Variants in RBFOX1 observed in about 807,000 individuals in gnomAD.
RBFOX1 encodes the protein RNA binding protein fox-1 homolog 1.
A neutral mutation model predicts 57.7 loss-of-function variants in RBFOX1; 8 were observed. The observed-to-expected ratio is 0.14, with a 90% CI of 0.08 to 0.25. The LOEUF is 0.25. Ranked by LOEUF, RBFOX1 falls within the 10% of genes least tolerant of loss-of-function variation. The pLI is 1.00. For missense variants in RBFOX1, 611 were observed against 548.5 expected (o/e 1.11, Z -1.14); for synonymous variants, 326 against 222.4 (o/e 1.47, Z -4.15).
intron 2 of RBFOX1, among the ~76,000 whole-genome samples, chr16:6,405,677 A>C (rs536051704): frequency 3.9e-5 from 6 of 152,334 alleles, no homozygotes; most frequent in African/African-American, 1.4e-4. Flanking sequence ...AATATCTAAC[A>C]CAAGGGTCCA....
intron 1 of RBFOX1, among the ~76,000 whole-genome samples, chr16:6,196,503 C>A (rs1378443245): frequency 6.6e-6 from 1 of 152,148 alleles, no homozygotes; most frequent in African/African-American, 2.4e-5. Flanking sequence ...AAATAATTAG[C>A]TTCCCATTCT....
At chr16:7,299,113 A>G (rs1363276175) in intron 4 of RBFOX1, among the ~76,000 whole-genome samples, 1 of 152,214 alleles carries the variant, frequency 6.6e-6, no homozygotes, top group Non-Finnish European at 1.5e-5. Context: ...GTGAGCACCA[A>G]AATATTAATA....
In RBFOX1 at chr16:6,700,395, C is replaced by G. The variant is rs762613277; in HGVS notation, c.-16+45745C>G. 6.6e-5 allele frequency among the ~76,000 whole-genome samples: 10 copies of G among 151,886 alleles called. No individual in the cohort carries two copies. The South Asian group carries it at 1.5e-3, about 22-fold the overall frequency. ...AATTTTGACCAGGTGTCATGTCTCA[C>G]ATCTGTAATCTCAGCACTTTGGGAG... On this transcript the variant is annotated intron_variant, in intron 3 of 15. Transcript: ENST00000550418.
chr16:5,620,933 CG>C (rs1567308819), intron 3 of RBFOX1, among the ~76,000 whole-genome samples: 1 of 151,438 alleles, frequency 6.6e-6, no homozygotes, highest in African/African-American at 2.4e-5. Context: ...TTCCGCCTCC[CG>C]GGTTCCTGCC....
chr16:5,738,922 CA>C (rs2052677871), intron 3 of RBFOX1, among the ~76,000 whole-genome samples: 1 of 152,142 alleles, frequency 6.6e-6, no homozygotes, highest in Admixed American at 6.5e-5. Flanking sequence ...GAACTCAAAG[CA>C]AAATTGGGTC....
Position 6,695,453 on chromosome 16 carries a change from G to A in RBFOX1, c.-16+40803G>A, listed in dbSNP as rs949236409. 6.5e-3 allele frequency among the ~76,000 whole-genome samples: 800 copies of A among 122,490 alleles called. 1 individual carries two copies. Among genetic ancestry groups the A allele is most frequent in the Non-Finnish European group, 0.01 (555 of 54,790 alleles). The allele number at this position is 122,490 out of a possible 152,430, so 80.4% of individuals were successfully genotyped here. ...AAAAAAAAAAGGAAAGGAAGGGAAA[G>A]GAAAGGAAAAGAAAATGACATAATT... On this transcript the variant is annotated intron_variant, in intron 3 of 15. Coordinates refer to ENST00000550418, the MANE Select transcript of RBFOX1 (RefSeq NM_018723.4).
rs145028333 is a variant in RBFOX1 at position 6,845,852 on chromosome 16, C to G, written c.-16+191202C>G. 1.7e-3 allele frequency among the ~76,000 whole-genome samples: 263 copies of G among 152,304 alleles called. 3 individuals carry two copies. The highest frequency in any genetic ancestry group is 5.9e-3 in the African/African-American group (245 of 41,550). On this transcript the variant is annotated intron_variant, in intron 3 of 15. Coordinates refer to ENST00000550418, the MANE Select transcript of RBFOX1 (RefSeq NM_018723.4). ...TTACCCCTCTTGGGATAATCTCAGT[C>G]CCACTTGTGTATGGCTATTCCTTCT...
intron 4 of RBFOX1, chr16:7,304,115 C>A (rs1245841456): frequency 8.0e-6 from 6 of 749,842 alleles, no homozygotes; most frequent in Admixed American, 6.3e-5. Context: ...ACGCCGGGAT[C>A]TAGCACATCC....
chr16:6,376,507 A>AT (rs1214566630), intron 2 of RBFOX1, among the ~76,000 whole-genome samples: 3 of 152,156 alleles, frequency 2.0e-5, no homozygotes, highest in Non-Finnish European at 4.4e-5. Flanking sequence ...ATTCCCTGGC[A>AT]TTCTGCGGCT....
intron 2 of RBFOX1, among the ~76,000 whole-genome samples, chr16:5,491,293 C>G (rs1325974739): frequency 6.6e-6 from 1 of 152,154 alleles, no homozygotes; most frequent in Non-Finnish European, 1.5e-5. Context: ...AGCCACCCAC[C>G]TAGCGACTCG....
chr16:6,443,845 CCCAT>C (rs941937640), intron 2 of RBFOX1, among the ~76,000 whole-genome samples: 9 of 147,440 alleles, frequency 6.1e-5, no homozygotes, highest in East Asian at 5.8e-4. Flanking sequence ...CATCCATGCA[CCCAT>C]CCATCCATCC....
At chr16:6,685,434 C>A (rs76613716) in intron 3 of RBFOX1, among the ~76,000 whole-genome samples, 5 of 138,608 alleles carry the variant, frequency 3.6e-5, no homozygotes, top group East Asian at 2.2e-4. Context: ...TGCCACTATA[C>A]CCAGCTAATT....
intron 1 of RBFOX1, among the ~76,000 whole-genome samples, chr16:6,207,894 G>A (rs2097265844): frequency 6.6e-6 from 1 of 151,996 alleles, no homozygotes; most frequent in Admixed American, 6.6e-5. Context: ...TGTTGCCTAG[G>A]CTGAGTGATG....
chr16:7,238,539 C>G (rs1031555898), intron 4 of RBFOX1, among the ~76,000 whole-genome samples: 4 of 144,090 alleles, frequency 2.8e-5, no homozygotes, highest in Middle Eastern at 3.4e-3. Context: ...GGGCTACACA[C>G]GCACCTTTAG....
At chr16:7,710,454 G>GGCCAT in intron 15 of RBFOX1, 169 bp from the exon 16 acceptor site, 1 of 1,457,746 alleles carries the variant, frequency 6.9e-7, no homozygotes, top group African/African-American at 1.5e-5. Flanking sequence ...ATTGGGGAAG[G>GGCCAT]TCAGGAATGG....
chr16:7,646,184 A>G lies in RBFOX1; in HGVS notation c.758-7631A>G, dbSNP rs922852200. On this transcript the variant is annotated intron_variant, in intron 11 of 15. Coordinates refer to ENST00000550418, the MANE Select transcript of RBFOX1 (RefSeq NM_018723.4). ...GGAGAAAACATATTTTGCCATTTGG[A>G]AAAAATCAGGTTTTTTGATTCTTCA... Among the ~76,000 whole-genome samples, 8 of 152,160 alleles carry G rather than the reference A, an allele frequency of 5.3e-5. No homozygotes were observed. The East Asian group carries it at 1.5e-3, about 29-fold the overall frequency.
chr16:7,552,317 T>G (rs2086806928), intron 5 of RBFOX1, among the ~76,000 whole-genome samples: 1 of 152,176 alleles, frequency 6.6e-6, no homozygotes, highest in South Asian at 2.1e-4. Context: ...ATCCATAGAC[T>G]CCATCAATTT....
chr16:5,648,122 A>G (rs935961225), intron 3 of RBFOX1, among the ~76,000 whole-genome samples: 1 of 152,156 alleles, frequency 6.6e-6, no homozygotes, highest in Non-Finnish European at 1.5e-5. Context: ...TACCTCCCAG[A>G]GTGCTGGGAT....
chr16:6,837,468 G>C (rs2093182028), intron 3 of RBFOX1, among the ~76,000 whole-genome samples: 1 of 152,182 alleles, frequency 6.6e-6, no homozygotes, highest in Non-Finnish European at 1.5e-5. Context: ...CACTCAGAAG[G>C]TGATGAGAAC....
Sources: gnomAD v4.1 joint callset for allele counts (sites outside exome capture counted in the v4.1 genomes callset) on GRCh38, gnomAD v4.1.1 for gene constraint, MANE v1.5 for transcripts, NCBI Gene and HGNC (gene_info 2026-07-23, HGNC 2026-07-21) for gene names.